The following LGR5 variants were observed in gnomAD, a reference collection of about 807,000 sequenced individuals.
LGR5 encodes leucine-rich repeat-containing G protein-coupled receptor 5.
LGR5 carries 54 observed loss-of-function variants against 76.7 expected under a neutral mutation model. That is an observed-to-expected ratio of 0.70 (90% confidence interval 0.57 to 0.88). The LOEUF (loss-of-function observed/expected upper bound fraction) is 0.88. Ranked by LOEUF, LGR5 falls within the 40% of genes least tolerant of loss-of-function variation. LGR5 has a pLI of 0.00. For missense variants in LGR5, 1,078 were observed against 1,073.3 expected (o/e 1.00, Z -0.06); for synonymous variants, 406 against 421.9 (o/e 0.96, Z 0.46).
intron 1 of LGR5, among the ~76,000 whole-genome samples, chr12:71,502,971 C>G (rs1453379216): frequency 6.6e-6 from 1 of 152,168 alleles, no homozygotes; most frequent in Non-Finnish European, 1.5e-5. Context: ...CTCTCCACAC[C>G]ATATGTCTTG....
intron 12 of LGR5, among the ~76,000 whole-genome samples, chr12:71,572,430 C>A (rs67774094): frequency 0.18 from 27,784 of 152,052 alleles, 2,905 homozygotes; most frequent in East Asian, 0.44. Context: ...AAACAATATT[C>A]ACCATCTATC....
At chr12:71,562,128 T>C (rs1461698471) in intron 8 of LGR5, among the ~76,000 whole-genome samples, 1 of 152,198 alleles carries the variant, frequency 6.6e-6, no homozygotes, top group African/African-American at 2.4e-5. Context: ...ACCTCTATTT[T>C]CTAAGAAATA....
intron 1 of LGR5, among the ~76,000 whole-genome samples, chr12:71,471,615 GA>G (rs1364127970): frequency 6.6e-6 from 1 of 151,446 alleles, no homozygotes; most frequent in Non-Finnish European, 1.5e-5. Flanking sequence ...TATGGTATAT[GA>G]ATTATAGCTC....
chr12:71,491,222 A>G (rs1874056782), intron 1 of LGR5, among the ~76,000 whole-genome samples: 2 of 152,152 alleles, frequency 1.3e-5, no homozygotes, highest in African/African-American at 4.8e-5. Context: ...GTATTTCTTC[A>G]TAGCAGTGTG....
rs137908639 is a variant in LGR5 at position 71,458,290 on chromosome 12, T to C, written c.212+17998T>C. On this transcript the variant is annotated intron_variant, in intron 1 of 17. Transcript: ENST00000266674. ...CAAAGTGTGTATTTCAAGTCAGATT[T>C]AATGTTCCTTATAAAATGAGAAGAT... 3.5e-3 allele frequency among the ~76,000 whole-genome samples: 532 copies of C among 152,240 alleles called. 3 individuals are homozygous for C. Among genetic ancestry groups the C allele is most frequent in the African/African-American group, 0.012 (511 of 41,548 alleles).
intron 11 of LGR5, among the ~76,000 whole-genome samples, chr12:71,570,085 C>T (rs1046303323): frequency 1.3e-5 from 2 of 152,054 alleles, no homozygotes; most frequent in African/African-American, 2.4e-5. Context: ...CAAGTTCTCA[C>T]TTGCAAGTGG....
intron 1 of LGR5, among the ~76,000 whole-genome samples, chr12:71,461,775 T>C (rs1228443567): frequency 6.6e-6 from 1 of 152,154 alleles, no homozygotes; most frequent in African/African-American, 2.4e-5. Flanking sequence ...AATCACTCTG[T>C]CTTAAATGCC....
intron 1 of LGR5, among the ~76,000 whole-genome samples, chr12:71,476,329 A>G (rs1029139024): frequency 2.6e-5 from 4 of 152,240 alleles, no homozygotes; most frequent in Admixed American, 2.6e-4. Context: ...TCATAGGCAT[A>G]CAAACTTCTA....
At chr12:71,499,615 G>C (rs1337405419) in intron 1 of LGR5, among the ~76,000 whole-genome samples, 2 of 152,150 alleles carry the variant, frequency 1.3e-5, no homozygotes, top group Non-Finnish European at 2.9e-5. Flanking sequence ...GTGCTGTCCT[G>C]TATGGCTACC....
intron 6 of LGR5, among the ~76,000 whole-genome samples, chr12:71,559,337 T>C (rs980655095): frequency 1.3e-5 from 2 of 152,196 alleles, no homozygotes; most frequent in African/African-American, 4.8e-5. Context: ...CTTTCTTTTT[T>C]AGACGCCCCA....
chr12:71,528,797 C>T (rs1431575416), intron 3 of LGR5, among the ~76,000 whole-genome samples: 5 of 152,136 alleles, frequency 3.3e-5, no homozygotes, highest in Non-Finnish European at 7.3e-5. Context: ...AGTCTACCAC[C>T]CAACTTCTGA....
chr12:71,525,100 C>G (rs1875924681), intron 3 of LGR5, among the ~76,000 whole-genome samples: 1 of 151,756 alleles, frequency 6.6e-6, no homozygotes, highest in Non-Finnish European at 1.5e-5. Context: ...GTTTAATTTT[C>G]TTTTAGTTTG....
intron 17 of LGR5, 133 bp downstream of exon 17, chr12:71,582,672 T>C (rs938768735): frequency 7.9e-6 from 5 of 634,540 alleles, no homozygotes; most frequent in South Asian, 1.9e-5. Context: ...CTCCCCATAG[T>C]GGCCTGTCAA....
At position 71,585,057 on chromosome 12, in the gene LGR5, A is replaced by G. The variant is rs1306755011; in HGVS notation, c.*323A>G. ...AATTGCATTCTCTTTAAACTCACCA[A>G]TGTAATCATTTTGGGAGGAGGGAGA... On this transcript the variant is annotated 3_prime_UTR_variant, in exon 18 of 18. Coordinates refer to ENST00000266674, the MANE Select transcript of LGR5 (RefSeq NM_003667.4). 9.0e-6 allele frequency: 2 copies of G among 221,098 alleles called. No homozygotes were observed. Among genetic ancestry groups the G allele is most frequent in the South Asian group, 1.2e-4 (1 of 8,634 alleles). 13.7% of individuals were successfully genotyped at this position (221,098 alleles called of 1,614,324 possible). A position where few individuals can be genotyped will look rare whatever the true frequency, so the allele number is the denominator to read the frequency against.
chr12:71,581,919 G>A (rs1040329690), intron 16 of LGR5, among the ~76,000 whole-genome samples: 1 of 152,158 alleles, frequency 6.6e-6, no homozygotes, highest in African/African-American at 2.4e-5. Context: ...TATCTTTGGG[G>A]AAATATGTTA....
In LGR5 at chr12:71,580,358, A is replaced by G. The variant is rs1879038340; in HGVS notation, c.1487A>G (p.Asn496Ser). 1 of 1,613,986 alleles carries G rather than the reference A, an allele frequency of 6.2e-7. No homozygotes were observed. Among genetic ancestry groups the G allele is most frequent in the African/African-American group, 1.3e-5 (1 of 74,930 alleles). Residue 496 changes from asparagine (N) to serine (S), a missense_variant, in exon 16 of 18, where the codon AAT (asparagine) becomes AGT (serine). By Grantham distance (46) the Asn-to-Ser change is conservative (BLOSUM62 1). Transcript: ENST00000266674. ...ENAYKISNQW[N>S]KGDNSSMDDL... ...GCCTATAAGATTTCTAATCAATGGA[A>G]TAAAGGTGACAACAGCAGTATGGAC...
chr12:71,517,741 C>T (rs10748179), intron 2 of LGR5, among the ~76,000 whole-genome samples: 90,564 of 152,068 alleles, frequency 0.6, 27,221 homozygotes, highest in East Asian at 0.86. Flanking sequence ...TCAACCAAAC[C>T]TGAATCTGTC....
At chr12:71,559,339 G>A (rs977210699) in intron 6 of LGR5, among the ~76,000 whole-genome samples, 2 of 152,120 alleles carry the variant, frequency 1.3e-5, no homozygotes, top group East Asian at 3.8e-4. Context: ...TTCTTTTTTA[G>A]ACGCCCCAGT....
chr12:71,567,510 T>C (rs1220244329), intron 11 of LGR5, among the ~76,000 whole-genome samples: 1 of 152,172 alleles, frequency 6.6e-6, no homozygotes, highest in Non-Finnish European at 1.5e-5. Context: ...GCCTTCTCCC[T>C]CAACTTCCAC....
Sources: allele counts gnomAD v4.1 joint callset (sites outside exome capture counted in the v4.1 genomes callset), GRCh38; gene constraint gnomAD v4.1.1; transcripts MANE v1.5; gene names NCBI Gene and HGNC (gene_info 2026-07-23, HGNC 2026-07-21).